The following SYN3 variants were observed in gnomAD, a reference collection of about 807,000 sequenced individuals.
SYN3 encodes synapsin-3.
Under a neutral mutation model 65.8 loss-of-function variants are expected in SYN3, and 35 were observed. The observed-to-expected ratio is 0.53, with a 90% CI of 0.41 to 0.70. SYN3 has a LOEUF of 0.70. SYN3 is among the 30% of genes least tolerant of loss of function. The probability of loss-of-function intolerance (pLI) is 0.00; values close to 1 mark genes in which losing one functional copy is unlikely to be tolerated. For synonymous variants in SYN3, 270 were observed against 292.9 expected, an observed-to-expected ratio of 0.92 and a Z score of 0.80; for missense variants, 680 against 749.0, an observed-to-expected ratio of 0.91 and a Z score of 1.08.
At chr22:32,667,960 A>AT (rs1482887145) in intron 6 of SYN3, among the ~76,000 whole-genome samples, 1 of 150,404 alleles carries the variant, frequency 6.6e-6, no homozygotes, top group Admixed American at 6.6e-5. Context: ...TGCCCAGCTA[A>AT]TTTTTTTGTA....
At chr22:32,515,199 G>C (rs1052233503) in intron 13 of SYN3, among the ~76,000 whole-genome samples, 4 of 152,154 alleles carry the variant, frequency 2.6e-5, no homozygotes, top group Non-Finnish European at 5.9e-5. Context: ...TGTGTTTTTA[G>C]CTAGAACACT....
intron 6 of SYN3, among the ~76,000 whole-genome samples, chr22:32,597,929 G>A (rs116407863): frequency 0.019 from 2,835 of 152,336 alleles, 97 homozygotes; most frequent in African/African-American, 0.064. Context: ...AGGGAGCTAG[G>A]AAGCCAGGAC....
chr22:32,733,731 T>C (rs1441671782), intron 6 of SYN3, among the ~76,000 whole-genome samples: 1 of 152,140 alleles, frequency 6.6e-6, no homozygotes, highest in Non-Finnish European at 1.5e-5. Context: ...GGCTGAAAGT[T>C]CATGTGATGC....
intron 7 of SYN3, among the ~76,000 whole-genome samples, chr22:32,589,030 T>C (rs78360543): frequency 0.062 from 9,412 of 152,242 alleles, 346 homozygotes; most frequent in Non-Finnish European, 0.08. Context: ...TTGCATGTAA[T>C]TAAAATGGGT....
At chr22:32,762,316 T>C (rs771094603) in intron 6 of SYN3, among the ~76,000 whole-genome samples, 7 of 152,076 alleles carry the variant, frequency 4.6e-5, no homozygotes, top group Non-Finnish European at 8.8e-5. Context: ...CATACATCCT[T>C]CCTCAGGGTT....
chr22:32,952,269 ACACG>A, intron 3 of SYN3, among the ~76,000 whole-genome samples: 1 of 150,676 alleles, frequency 6.6e-6, no homozygotes, highest in East Asian at 2.0e-4. Flanking sequence ...GTGTGTGCGC[ACACG>A]CATGTGAATA....
At chr22:32,624,414 C>G (rs9609604) in intron 6 of SYN3, among the ~76,000 whole-genome samples, 1 of 152,176 alleles carries the variant, frequency 6.6e-6, no homozygotes, top group Non-Finnish European at 1.5e-5. Flanking sequence ...CACACCTGCC[C>G]GGTCATACCC....
chr22:32,650,650 A>G lies in SYN3; in HGVS notation c.712-53914T>C, dbSNP rs74766929. Among the ~76,000 whole-genome samples, 223 of 152,266 alleles carry G rather than the reference A, an allele frequency of 1.5e-3. 5 individuals are homozygous for G. In the East Asian group the frequency reaches 0.037, roughly 25 times the overall value. On this transcript the variant is annotated intron_variant, in intron 6 of 13. Coordinates refer to ENST00000358763, the MANE Select transcript of SYN3 (RefSeq NM_003490.4). ...CTTTCCCATTACACAAATGAAGGAG[A>G]AAAACAGAGGCCCAGAGATATGAAC...
chr22:33,004,036 C>T (rs937489340), intron 2 of SYN3, among the ~76,000 whole-genome samples: 2 of 152,248 alleles, frequency 1.3e-5, no homozygotes, highest in Non-Finnish European at 2.9e-5. Flanking sequence ...GGTGCTGGCC[C>T]TGCGGATGCA....
chr22:32,916,790 A>G (rs1401932222), intron 4 of SYN3, among the ~76,000 whole-genome samples: 1 of 152,206 alleles, frequency 6.6e-6, no homozygotes, highest in Admixed American at 6.5e-5. Context: ...CACATCACGA[A>G]AGGTTTGAAT....
chr22:32,608,028 G>T (rs755254858), intron 6 of SYN3, among the ~76,000 whole-genome samples: 7 of 152,184 alleles, frequency 4.6e-5, no homozygotes, highest in Non-Finnish European at 8.8e-5. Flanking sequence ...TGTAGATGGG[G>T]AAAAGCACCC....
intron 2 of SYN3, among the ~76,000 whole-genome samples, chr22:32,996,176 C>G (rs767296107): frequency 9.9e-5 from 15 of 152,200 alleles, no homozygotes; most frequent in Non-Finnish European, 8.8e-5. Flanking sequence ...TTAAGTCATC[C>G]ATCTATCCCA....
At chr22:32,908,579 T>G (rs1170152672) in intron 4 of SYN3, among the ~76,000 whole-genome samples, 2 of 152,132 alleles carry the variant, frequency 1.3e-5, no homozygotes, top group African/African-American at 2.4e-5. Flanking sequence ...AACCACAGAT[T>G]GGCAAATTAT....
At chr22:32,774,204 C>T (rs146560428) in intron 6 of SYN3, among the ~76,000 whole-genome samples, 1 of 152,182 alleles carries the variant, frequency 6.6e-6, no homozygotes, top group African/African-American at 2.4e-5. Flanking sequence ...ATGCTCAATC[C>T]CTCACCCTTG....
chr22:32,654,317 A>G (rs1168717800), intron 6 of SYN3, among the ~76,000 whole-genome samples: 2 of 151,726 alleles, frequency 1.3e-5, no homozygotes, highest in African/African-American at 4.8e-5. Flanking sequence ...CAGCCTGCTC[A>G]CTCTGCCACA....
intron 6 of SYN3, among the ~76,000 whole-genome samples, chr22:32,633,626 CT>C (rs1204047107): frequency 6.6e-6 from 1 of 152,012 alleles, no homozygotes; most frequent in African/African-American, 2.4e-5. Context: ...GAAAAATAAT[CT>C]TTTTTTAAAT....
chr22:32,836,975 T>C (rs2047749950), intron 6 of SYN3, among the ~76,000 whole-genome samples: 1 of 152,246 alleles, frequency 6.6e-6, no homozygotes, highest in African/African-American at 2.4e-5. Flanking sequence ...CTGCAAAGGC[T>C]GCATCTGCGG....
At chr22:32,831,849 C>T (rs191929519) in intron 6 of SYN3, among the ~76,000 whole-genome samples, 3 of 151,628 alleles carry the variant, frequency 2.0e-5, no homozygotes, top group South Asian at 2.1e-4. Flanking sequence ...GTCACTGCAC[C>T]CCCCCCAACC....
At chr22:32,880,152 A>G (rs2049090491) in intron 4 of SYN3, among the ~76,000 whole-genome samples, 1 of 152,192 alleles carries the variant, frequency 6.6e-6, no homozygotes, top group Non-Finnish European at 1.5e-5. Flanking sequence ...AAGAATCACG[A>G]TTACTCATTA....
Sources: allele counts gnomAD v4.1 joint callset (sites outside exome capture counted in the v4.1 genomes callset), GRCh38; gene constraint gnomAD v4.1.1; transcripts MANE v1.5; gene names NCBI Gene and HGNC (gene_info 2026-07-23, HGNC 2026-07-21).